CNTN3: variants seen among roughly 807,000 people sequenced by gnomAD.
The protein encoded by CNTN3 is contactin-3.
A neutral mutation model predicts 119.1 loss-of-function variants in CNTN3; 60 were observed. The ratio of observed to expected loss-of-function variants is 0.50; its 90% CI spans 0.41 to 0.62. The LOEUF (loss-of-function observed/expected upper bound fraction) is 0.62, where lower values mean the gene tolerates loss of function less well. CNTN3 is among the 20% of genes least tolerant of loss of function. The pLI is 0.00. For missense variants in CNTN3, 1,101 were observed against 1,242.4 expected (o/e 0.89, Z 1.71); for synonymous variants, 450 against 438.7 (o/e 1.03, Z -0.32).
Position 74,516,614 on chromosome 3 carries a change from G to A in CNTN3, c.55+4444C>T, listed in dbSNP as rs545333405. Among the ~76,000 whole-genome samples the A allele has an allele frequency of 3.3e-5, 5 of 150,750 alleles. No individual in the cohort carries two copies. The East Asian group carries it at 9.7e-4, about 29-fold the overall frequency. On this transcript the variant is annotated intron_variant, in intron 2 of 22. Transcript: ENST00000263665. ...CAGTTAAGTTTTGGGGGAGTTAAAA[G>A]TTATACATAGATTTTCATACTTGGG... is the stretch of plus-strand genomic sequence containing the variant.
intron 4 of CNTN3, among the ~76,000 whole-genome samples, chr3:74,469,495 C>T (rs1467603197): frequency 1.3e-5 from 2 of 152,038 alleles, no homozygotes; most frequent in Non-Finnish European, 2.9e-5. Context: ...ATTCCAACAA[C>T]TCAATAATAA....
intron 3 of CNTN3, among the ~76,000 whole-genome samples, chr3:74,487,671 C>T (rs1210146699): frequency 6.6e-6 from 1 of 152,018 alleles, no homozygotes. Context: ...ATGTTATGGG[C>T]CATCTAAAAA....
At chr3:74,285,028 T>C (rs1702081855) in intron 20 of CNTN3, among the ~76,000 whole-genome samples, 1 of 152,160 alleles carries the variant, frequency 6.6e-6, no homozygotes, top group Admixed American at 6.5e-5. Flanking sequence ...ACTAAGCTTA[T>C]CATATTTTAA....
At chr3:74,581,837 A>G (rs1704514446) in intron 1 of CNTN3, among the ~76,000 whole-genome samples, 1 of 152,196 alleles carries the variant, frequency 6.6e-6, no homozygotes, top group Non-Finnish European at 1.5e-5. Context: ...CCAAGACACC[A>G]AGGCAGTGCA....
At chr3:74,595,670 G>T (rs1436227903) in intron 1 of CNTN3, among the ~76,000 whole-genome samples, 2 of 152,042 alleles carry the variant, frequency 1.3e-5, no homozygotes, top group African/African-American at 2.4e-5. Flanking sequence ...CAATAAATTA[G>T]GTATTGATGG....
At chr3:74,288,679 G>T (rs1396690582) in intron 19 of CNTN3, among the ~76,000 whole-genome samples, 1 of 152,002 alleles carries the variant, frequency 6.6e-6, no homozygotes, top group East Asian at 1.9e-4. Context: ...ATTTATCAAG[G>T]TCATTCTCCC....
intron 19 of CNTN3, among the ~76,000 whole-genome samples, chr3:74,287,188 C>A (rs189274926): frequency 6.6e-6 from 1 of 152,152 alleles, no homozygotes; most frequent in Non-Finnish European, 1.5e-5. Context: ...TGAGGCAATA[C>A]AATTTTTTCC....
chr3:74,363,476 C>T (rs1257095461), intron 10 of CNTN3, among the ~76,000 whole-genome samples: 1 of 152,166 alleles, frequency 6.6e-6, no homozygotes, highest in Admixed American at 6.5e-5. Flanking sequence ...TATCTCCAGA[C>T]ATTTCTAAAT....
chr3:74,605,016 C>T (rs1704968117), intron 1 of CNTN3, among the ~76,000 whole-genome samples: 1 of 152,098 alleles, frequency 6.6e-6, no homozygotes, highest in Non-Finnish European at 1.5e-5. Context: ...ATTTGAAGGA[C>T]ATTCTGTAAA....
intron 13 of CNTN3, among the ~76,000 whole-genome samples, chr3:74,322,571 C>T (rs767418663): frequency 3.9e-5 from 6 of 152,168 alleles, no homozygotes; most frequent in Non-Finnish European, 8.8e-5. Context: ...AGCCATTCTG[C>T]AAGACAGTCC....
chr3:74,389,315 AC>A (rs1704835790), intron 5 of CNTN3, among the ~76,000 whole-genome samples: 1 of 152,148 alleles, frequency 6.6e-6, no homozygotes, highest in Non-Finnish European at 1.5e-5. Flanking sequence ...ATAAGGGAAA[AC>A]AGGTATTCTC....
chr3:74,545,287 C>A (rs1227535682), intron 1 of CNTN3, among the ~76,000 whole-genome samples: 2 of 152,072 alleles, frequency 1.3e-5, no homozygotes, highest in Admixed American at 1.3e-4. Context: ...TGGTGGGATG[C>A]CAATTTAGGC....
intron 2 of CNTN3, among the ~76,000 whole-genome samples, chr3:74,501,006 G>A (rs1170184074): frequency 6.6e-6 from 1 of 151,996 alleles, no homozygotes; most frequent in Non-Finnish European, 1.5e-5. Flanking sequence ...CACAGTCCGT[G>A]CAGGGATACT....
chr3:74,587,214 A>G (rs1378721212), intron 1 of CNTN3, among the ~76,000 whole-genome samples: 1 of 152,082 alleles, frequency 6.6e-6, no homozygotes, highest in Non-Finnish European at 1.5e-5. Flanking sequence ...ATAGATACAA[A>G]GGAAGCCCAA....
chr3:74,451,541 G>A (rs1254563290), intron 4 of CNTN3, among the ~76,000 whole-genome samples: 1 of 152,028 alleles, frequency 6.6e-6, no homozygotes, highest in African/African-American at 2.4e-5. Context: ...TGTCAATTTT[G>A]GCTTTTGTTG....
At chr3:74,364,373 G>A (rs1704141759) in intron 10 of CNTN3, 94 bp downstream of exon 10, 1 of 1,153,486 alleles carries the variant, frequency 8.7e-7, no homozygotes, top group African/African-American at 1.6e-5. Context: ...TTAGATGTAG[G>A]AACCTAATGT....
chr3:74,565,875 C>T (rs975814373), intron 1 of CNTN3, among the ~76,000 whole-genome samples: 2 of 152,144 alleles, frequency 1.3e-5, no homozygotes, highest in Non-Finnish European at 2.9e-5. Flanking sequence ...TCCCACATGT[C>T]ATGGGAGGGA....
At chr3:74,512,691 G>T (rs1321807210) in intron 2 of CNTN3, among the ~76,000 whole-genome samples, 1 of 3,058 alleles carries the variant, frequency 3.3e-4, no homozygotes, top group Non-Finnish European at 6.5e-4. Context: ...GCATAATCAA[G>T]CAAAAAAAAA....
At chr3:74,365,849 A>T in intron 8 of CNTN3, 147 bp from the exon 9 acceptor site, 1 of 925,196 alleles carries the variant, frequency 1.1e-6, no homozygotes, top group Non-Finnish European at 1.6e-6. Flanking sequence ...CTAGAATTAT[A>T]TTTTATTCAC....
Sources: gnomAD v4.1 joint callset for allele counts (sites outside exome capture counted in the v4.1 genomes callset) on GRCh38, gnomAD v4.1.1 for gene constraint, MANE v1.5 for transcripts, NCBI Gene and HGNC (gene_info 2026-07-23, HGNC 2026-07-21) for gene names.